Variants in BHMT observed in about 807,000 individuals in gnomAD.
BHMT encodes the protein betaine--homocysteine S-methyltransferase 1.
A neutral mutation model predicts 49.5 loss-of-function variants in BHMT; 38 were observed. The ratio of observed to expected loss-of-function variants is 0.77; its 90% confidence interval spans 0.59 to 1.01. BHMT has a LOEUF of 1.01. Among genes scored for constraint, BHMT ranks in the 50% least tolerant of loss-of-function variants. BHMT has a pLI of 0.00. For synonymous variants in BHMT, 166 were observed against 176.3 expected (o/e 0.94, Z 0.46); for missense variants, 426 against 495.7 (o/e 0.86, Z 1.34).
chr5:79,114,792 A>T (rs1339054892), intron 1 of BHMT, among the ~76,000 whole-genome samples: 1 of 152,198 alleles, frequency 6.6e-6, no homozygotes, highest in Non-Finnish European at 1.5e-5. Context: ...TTGTGAAATG[A>T]GAGAGAGATC....
In BHMT at chr5:79,111,833, G is replaced by C; in HGVS notation, c.-53G>C. The C allele has an allele frequency of 3.7e-6, 6 of 1,607,562 alleles. No individual in the cohort carries two copies. The highest frequency in any genetic ancestry group is 5.1e-6 in the Non-Finnish European group (6 of 1,177,208). ...CAGCTCGGGGCTGCGCAGCGGGAAG[G>C]CTCGCCTAGTCGGTCCGCATCCGTG... On this transcript the variant is annotated 5_prime_UTR_variant, in exon 1 of 8. Coordinates refer to ENST00000274353, the MANE Select transcript of BHMT (RefSeq NM_001713.3).
At chr5:79,119,221 T>C (rs1255352217) in intron 2 of BHMT, 38 bp from the exon 3 acceptor site, 2 of 1,473,772 alleles carry the variant, frequency 1.4e-6, no homozygotes, top group East Asian at 4.6e-5. Flanking sequence ...CGTGTGTTAA[T>C]AAACAGAAAT....
chr5:79,121,306 C>A lies in BHMT; in HGVS notation c.566C>A (p.Pro189Gln), dbSNP rs11541208. Reference sequence around the variant, plus strand: ...GTGGCAGCAACCATGTGCATTGGCCCAGAAGGAGATTTGCATGGCGTGCCC... The same window carrying A: ...GTGGCAGCAACCATGTGCATTGGCCAAGAAGGAGATTTGCATGGCGTGCCC... The part of the protein sequence containing the change: ...KPVAATMCIG[P>Q]EGDLHGVPPG... The change falls in exon 5 of 8, where the codon CCA (proline) becomes CAA (glutamine). Residue 189 changes from proline to glutamine, a missense_variant. Coordinates refer to ENST00000274353, the MANE Select transcript of BHMT (RefSeq NM_001713.3). 2 of 1,614,188 alleles carry A rather than the reference C, an allele frequency of 1.2e-6. No homozygotes were observed. Among genetic ancestry groups the A allele is most frequent in the Non-Finnish European group, 1.7e-6 (2 of 1,180,032 alleles).
chr5:79,120,417 T>C lies in BHMT; in HGVS notation c.353T>C (p.Val118Ala), dbSNP rs890534741. Residue 118 changes from valine (V) to alanine (A), a missense_variant, in exon 4 of 8, where the codon GTA becomes GCA. Physicochemically the swap from Val to Ala is moderately conservative, Grantham distance 64. Transcript: ENST00000274353. ...GTGGCTGATGAAGGAGATGCTTTGG[T>C]AGCAGGAGGAGTGAGTCAGACACCT... ...RQVADEGDAL[V>A]AGGVSQTPSY... 1.9e-6 allele frequency: 3 copies of C among 1,613,852 alleles called. No homozygotes were observed. Among genetic ancestry groups the C allele is most frequent in the African/African-American group, 1.3e-5 (1 of 74,920 alleles).
Position 79,126,401 on chromosome 5 carries a change from G to C in BHMT, c.808+173G>C, listed in dbSNP as rs1756554628. On this transcript the variant is annotated intron_variant, in intron 6 of 7. Transcript: ENST00000274353. ...CCAAAAGCCCCTTCGTATTAGAGAA[G>C]AGCAGAAGGAAAGGATGGTCCCAGC... 8 of 655,212 alleles carry C rather than the reference G, an allele frequency of 1.2e-5. No homozygotes were observed. The Admixed American group carries it at 2.5e-4, about 21-fold the overall frequency. 40.6% of individuals were successfully genotyped at this position (655,212 alleles called of 1,614,324 possible). A position where few individuals can be genotyped will look rare whatever the true frequency, so the allele number is the denominator to read the frequency against.
Position 79,115,906 on chromosome 5 carries a change from G to A in BHMT, c.166+7G>A, listed in dbSNP as rs777010353. 1.2e-6 allele frequency: 2 copies of A among 1,610,398 alleles called. No individual in the cohort carries two copies. The highest frequency in any genetic ancestry group is 2.2e-5 in the East Asian group (1 of 44,800). ...GTGGAGCACCCAGAAGCAGGTTGGT[G>A]CAGAGCTCTATTGTAAGTTCTCATA... On this transcript the variant is annotated splice_region_variant and intron_variant, in intron 2 of 7. Transcript: ENST00000274353.
At position 79,131,248 on chromosome 5, in the gene BHMT, A is replaced by G. The variant is rs1030984405; in HGVS notation, c.*132A>G. ...ACATATTATTGCTATTACCTGAACA[A>G]AATAGAATTACAAATAGCACTTGAT... On this transcript the variant is annotated 3_prime_UTR_variant, in exon 8 of 8. Coordinates refer to ENST00000274353, the MANE Select transcript of BHMT (RefSeq NM_001713.3). 3.5e-6 allele frequency: 3 copies of G among 849,504 alleles called. No homozygotes were observed. The highest frequency in any genetic ancestry group is 6.8e-5 in the Admixed American group (2 of 29,520). The allele number at this position is 849,504 out of a possible 1,614,324, so 52.6% of individuals were successfully genotyped here.
intron 5 of BHMT, among the ~76,000 whole-genome samples, chr5:79,122,085 G>A (rs1345592550): frequency 6.6e-6 from 1 of 151,736 alleles, no homozygotes; most frequent in Non-Finnish European, 1.5e-5. Context: ...GGGATTATGG[G>A]CACCCGCCAC....
At chr5:79,130,850 T>G (rs1270973463) in intron 7 of BHMT, 83 bp from the exon 8 acceptor site, 3 of 1,224,974 alleles carry the variant, frequency 2.4e-6, no homozygotes, top group Non-Finnish European at 3.2e-6. Context: ...AAATATTATA[T>G]AATTTTTAAA....
intron 4 of BHMT, among the ~76,000 whole-genome samples, 155 bp downstream of exon 4, chr5:79,120,696 T>C (rs553590357): frequency 1.0e-3 from 158 of 152,366 alleles, no homozygotes; most frequent in Non-Finnish European, 1.7e-3. Flanking sequence ...GGGCTACTAC[T>C]AAATTTGATT....
Position 79,119,371 on chromosome 5 carries a change from G to C in BHMT, c.279G>C (p.Lys93Asn). ...LENRGNYVLE[K>N]ISGQEVNEAA... ...ACAGGGGCAACTATGTCTTAGAGAA[G>C]ATATCTGTGAGTAAAACCAGCCGTG... The change falls in exon 3 of 8, where the codon AAG becomes AAC. Residue 93 changes from lysine (K) to asparagine (N), a missense_variant. By Grantham distance (94) the Lys-to-Asn change is moderately conservative (BLOSUM62 0). Transcript: ENST00000274353. 3 of 1,609,800 alleles carry C rather than the reference G, an allele frequency of 1.9e-6. No homozygotes were observed. Among genetic ancestry groups the C allele is most frequent in the Non-Finnish European group, 2.5e-6 (3 of 1,177,064 alleles).
chr5:79,129,852 T>C (rs1756609096), intron 7 of BHMT, among the ~76,000 whole-genome samples: 1 of 152,068 alleles, frequency 6.6e-6, no homozygotes, highest in South Asian at 2.1e-4. Flanking sequence ...ATTTTCCCTG[T>C]ACATATATTA....
At chr5:79,122,349 G>T (rs1756485651) in intron 5 of BHMT, among the ~76,000 whole-genome samples, 1 of 152,164 alleles carries the variant, frequency 6.6e-6, no homozygotes, top group East Asian at 1.9e-4. Context: ...TAACTTAATT[G>T]ATCATGGAAC....
chr5:79,121,432 C>G (rs1023909980), intron 5 of BHMT, 67 bp downstream of exon 5: 1 of 1,577,230 alleles, frequency 6.3e-7, no homozygotes, highest in East Asian at 2.2e-5. Flanking sequence ...GCACATCTGT[C>G]TACAAATCAG....
At chr5:79,122,839 A>G (rs980995096) in intron 5 of BHMT, among the ~76,000 whole-genome samples, 41 of 152,140 alleles carry the variant, frequency 2.7e-4, no homozygotes, top group African/African-American at 8.7e-4. Flanking sequence ...CTGGAGCCCA[A>G]TGGGAAGGTC....
intron 5 of BHMT, among the ~76,000 whole-genome samples, chr5:79,123,936 A>G (rs1756511924): frequency 6.6e-6 from 1 of 152,216 alleles, no homozygotes; most frequent in Non-Finnish European, 1.5e-5. Context: ...GTATCCATAC[A>G]ATGAAATATC....
intron 6 of BHMT, among the ~76,000 whole-genome samples, 192 bp from the exon 7 acceptor site, chr5:79,127,563 C>G (rs1214520312): frequency 1.3e-5 from 2 of 152,164 alleles, no homozygotes; most frequent in East Asian, 3.8e-4. Context: ...TCATTTGGAA[C>G]CTCCTGAAGG....
chr5:79,131,202 C>A lies in BHMT; in HGVS notation c.*86C>A. On this transcript the variant is annotated 3_prime_UTR_variant, in exon 8 of 8. Coordinates refer to ENST00000274353, the MANE Select transcript of BHMT (RefSeq NM_001713.3). ...CGGAAAAGGGGGTTAAAAAGCAGTGCTTTCATGAATGCCATCCTACACATA... is the reference window on the plus strand; with the variant it reads ...CGGAAAAGGGGGTTAAAAAGCAGTGATTTCATGAATGCCATCCTACACATA... 7.5e-7 allele frequency: 1 copy of A among 1,329,474 alleles called. No homozygotes were observed. 82.4% of individuals were successfully genotyped at this position (1,329,474 alleles called of 1,614,324 possible). A position where few individuals can be genotyped will look rare whatever the true frequency, so the allele number is the denominator to read the frequency against.
intron 5 of BHMT, 21 bp from the exon 6 acceptor site, chr5:79,126,025 T>C: frequency 1.3e-6 from 2 of 1,587,968 alleles, no homozygotes; most frequent in Non-Finnish European, 1.7e-6. Context: ...CCTAAGTCTA[T>C]CATGTTCTTC....
Sources: gnomAD v4.1 joint callset for allele counts (sites outside exome capture counted in the v4.1 genomes callset) on GRCh38, gnomAD v4.1.1 for gene constraint, MANE v1.5 for transcripts, NCBI Gene and HGNC (gene_info 2026-07-23, HGNC 2026-07-21) for gene names.